TSPAN5: variants seen among roughly 807,000 people sequenced by gnomAD.
TSPAN5 encodes the protein tetraspanin 5.
A neutral mutation model predicts 37.1 loss-of-function variants in TSPAN5; 10 were observed. The observed-to-expected ratio is 0.27, with a 90% confidence interval of 0.17 to 0.46. The LOEUF is 0.46. Ranked by LOEUF, TSPAN5 falls within the 20% of genes least tolerant of loss-of-function variation. The pLI, the probability that TSPAN5 is intolerant of heterozygous loss-of-function variation, is 1.00. For missense variants in TSPAN5, 195 were observed against 326.6 expected, an observed-to-expected ratio of 0.60 and a Z score of 3.11; for synonymous variants, 110 against 118.9, an observed-to-expected ratio of 0.93 and a Z score of 0.48.
intron 7 of TSPAN5, among the ~76,000 whole-genome samples, chr4:98,474,824 C>T (rs1457313555): frequency 3.9e-5 from 6 of 152,196 alleles, no homozygotes; most frequent in African/African-American, 9.7e-5. Flanking sequence ...CAGGCATGTG[C>T]CATTACATTT....
chr4:98,541,316 A>G (rs937122776), intron 1 of TSPAN5, among the ~76,000 whole-genome samples: 5 of 152,152 alleles, frequency 3.3e-5, no homozygotes, highest in African/African-American at 1.2e-4. Context: ...TGAGAGGCTC[A>G]TTTCCTGAAT....
intron 1 of TSPAN5, among the ~76,000 whole-genome samples, chr4:98,640,373 C>G (rs1299373015): frequency 6.6e-6 from 1 of 152,076 alleles, no homozygotes; most frequent in African/African-American, 2.4e-5. Flanking sequence ...AGGTAGTTTT[C>G]TAGGCATATT....
chr4:98,613,252 C>A (rs1480660931), intron 1 of TSPAN5, among the ~76,000 whole-genome samples: 1 of 151,722 alleles, frequency 6.6e-6, no homozygotes, highest in Non-Finnish European at 1.5e-5. Context: ...AAGTAAATCA[C>A]TCCATATGAA....
chr4:98,565,759 T>A (rs557464262), intron 1 of TSPAN5, among the ~76,000 whole-genome samples: 1 of 152,284 alleles, frequency 6.6e-6, no homozygotes, highest in South Asian at 2.1e-4. Context: ...CAGCTGCCAA[T>A]GGTCAGTCCA....
intron 1 of TSPAN5, among the ~76,000 whole-genome samples, chr4:98,642,416 T>G: frequency 6.6e-6 from 1 of 152,212 alleles, no homozygotes. Context: ...AGCCTCCAAC[T>G]AATAACCACA....
At chr4:98,649,714 G>T (rs1285998860) in intron 1 of TSPAN5, among the ~76,000 whole-genome samples, 2 of 152,186 alleles carry the variant, frequency 1.3e-5, no homozygotes, top group Non-Finnish European at 2.9e-5. Flanking sequence ...CTTACTCAAA[G>T]TCAATTCCAG....
At chr4:98,486,942 A>G (rs1319258117) in intron 2 of TSPAN5, 58 bp from the exon 3 acceptor site, 2 of 1,583,716 alleles carry the variant, frequency 1.3e-6, no homozygotes, top group South Asian at 1.1e-5. Flanking sequence ...GTTTTCCAAC[A>G]TGTAAAGATT....
chr4:98,638,792 G>A (rs1002595380), intron 1 of TSPAN5, among the ~76,000 whole-genome samples: 3 of 152,154 alleles, frequency 2.0e-5, no homozygotes, highest in Non-Finnish European at 4.4e-5. Context: ...TGAGATTCCC[G>A]GGTCAAGGAC....
chr4:98,495,076 A>T (rs775836817), intron 2 of TSPAN5, among the ~76,000 whole-genome samples: 1 of 152,224 alleles, frequency 6.6e-6, no homozygotes, highest in Non-Finnish European at 1.5e-5. Context: ...ACATGGAACC[A>T]GGAGCAAGGA....
intron 1 of TSPAN5, 62 bp downstream of exon 1, chr4:98,658,084 G>A (rs1240548265): frequency 7.6e-6 from 11 of 1,441,510 alleles, no homozygotes; most frequent in Non-Finnish European, 1.1e-5. Flanking sequence ...GAACAACGTG[G>A]GGGAAATCGT....
intron 4 of TSPAN5, among the ~76,000 whole-genome samples, chr4:98,481,747 C>T (rs960277591): frequency 9.9e-5 from 15 of 152,206 alleles, no homozygotes; most frequent in African/African-American, 2.7e-4. Context: ...ATGATTATAA[C>T]GTTTTGCTCA....
At chr4:98,558,801 G>A (rs1436886061) in intron 1 of TSPAN5, among the ~76,000 whole-genome samples, 1 of 152,132 alleles carries the variant, frequency 6.6e-6, no homozygotes, top group African/African-American at 2.4e-5. Flanking sequence ...CTGTGGATAG[G>A]CCAGAGTCTA....
chr4:98,577,536 G>C (rs2110190585), intron 1 of TSPAN5, among the ~76,000 whole-genome samples: 1 of 152,264 alleles, frequency 6.6e-6, no homozygotes, highest in East Asian at 1.9e-4. Flanking sequence ...CTTTACCTGT[G>C]GTACCTATCA....
intron 1 of TSPAN5, among the ~76,000 whole-genome samples, chr4:98,532,486 CTGTT>C (rs555310109): frequency 5.3e-4 from 80 of 152,234 alleles, no homozygotes; most frequent in African/African-American, 1.9e-3. Flanking sequence ...ATTTGGCTCT[CTGTT>C]TGTCTGTTAT....
At chr4:98,625,140 C>T (rs1241974394) in intron 1 of TSPAN5, among the ~76,000 whole-genome samples, 1 of 152,090 alleles carries the variant, frequency 6.6e-6, no homozygotes, top group Admixed American at 6.5e-5. Context: ...GCCCTATGGG[C>T]AGTAGTTATT....
intron 7 of TSPAN5, 143 bp downstream of exon 7, chr4:98,476,045 CA>C: frequency 2.2e-6 from 1 of 463,784 alleles, no homozygotes; most frequent in Non-Finnish European, 3.9e-6. Context: ...AAACACAAAC[CA>C]AATCGTTTAG....
chr4:98,640,429 C>T (rs80108416), intron 1 of TSPAN5, among the ~76,000 whole-genome samples: 2,480 of 152,136 alleles, frequency 0.016, 83 homozygotes, highest in African/African-American at 0.057. Context: ...TAGATACTAC[C>T]ATTTTAAAAA....
intron 1 of TSPAN5, among the ~76,000 whole-genome samples, chr4:98,554,349 C>G (rs1237811094): frequency 1.3e-5 from 2 of 152,124 alleles, no homozygotes; most frequent in African/African-American, 4.8e-5. Flanking sequence ...CCTACTGATT[C>G]CAAAGCCCTG....
intron 1 of TSPAN5, among the ~76,000 whole-genome samples, chr4:98,571,381 G>T (rs1755115049): frequency 1.3e-5 from 2 of 151,984 alleles, no homozygotes; most frequent in South Asian, 2.1e-4. Context: ...ACTGCAGGGG[G>T]GTGGCTGGCA....
Sources: gnomAD v4.1 joint callset for allele counts (sites outside exome capture counted in the v4.1 genomes callset) on GRCh38, gnomAD v4.1.1 for gene constraint, MANE v1.5 for transcripts, NCBI Gene and HGNC (gene_info 2026-07-23, HGNC 2026-07-21) for gene names.